Variants in DHTKD1 observed in about 807,000 individuals in gnomAD.
DHTKD1 encodes dehydrogenase E1 and transketolase domain containing 1.
DHTKD1 carries 78 observed loss-of-function variants against 101.8 expected under a neutral mutation model. The observed-to-expected ratio is 0.77, with a 90% CI of 0.64 to 0.93. DHTKD1 has a LOEUF of 0.93. Ranked by LOEUF, DHTKD1 falls within the 40% of genes least tolerant of loss-of-function variation. The pLI is 0.00. For missense variants in DHTKD1, 1,223 were observed against 1,161.7 expected (o/e 1.05, Z -0.77); for synonymous variants, 462 against 450.3 (o/e 1.03, Z -0.33).
At position 12,089,077 on chromosome 10, in the gene DHTKD1, A is replaced by T; in HGVS notation, c.809A>T (p.Asp270Val). Residue 270 changes from aspartate to valine, a missense_variant, in exon 5 of 17, where the codon GAC becomes GTC. Transcript: ENST00000263035. ...CTGTCTCACCTGACCTCCTCTGTGG[A>T]CCTGTACTTTGGGGCGCACCATCCC... The part of the protein sequence containing the change: ...DVLSHLTSSV[D>V]LYFGAHHPLH... 1 of 1,614,062 alleles carries T rather than the reference A, an allele frequency of 6.2e-7. No homozygotes were observed. The highest frequency in any genetic ancestry group is 8.5e-7 in the Non-Finnish European group (1 of 1,179,998).
Position 12,097,809 on chromosome 10 carries a change from T to C in DHTKD1, c.1484T>C (p.Met495Thr). ...AAGTTGAATGATCACTTAAATAACA[T>C]GGCCCACTACAGGCCCCCTGCCCTG... ...YAKLNDHLNNMAHYRPPALNL... is the reference protein window; with the variant it reads ...YAKLNDHLNNTAHYRPPALNL... The change falls in exon 8 of 17, where the codon ATG (methionine) becomes ACG (threonine). Residue 495 changes from methionine (M) to threonine (T), a missense_variant. Met to Thr is a moderately conservative substitution (Grantham distance 81). Coordinates refer to ENST00000263035, the MANE Select transcript of DHTKD1 (RefSeq NM_018706.7). 3 of 1,614,236 alleles carry C rather than the reference T, an allele frequency of 1.9e-6. No homozygotes were observed. The highest frequency in any genetic ancestry group is 2.5e-6 in the Non-Finnish European group (3 of 1,180,054).
At chr10:12,108,074 A>G in intron 12 of DHTKD1, 59 bp downstream of exon 12, 3 of 1,323,276 alleles carry the variant, frequency 2.3e-6, no homozygotes, top group Admixed American at 1.7e-5. Flanking sequence ...GAGCTTTTCT[A>G]CCTCCTGCGG....
chr10:12,083,936 ATT>A (rs1194871426), intron 2 of DHTKD1, among the ~76,000 whole-genome samples: 1 of 151,634 alleles, frequency 6.6e-6, no homozygotes, highest in African/African-American at 2.4e-5. Flanking sequence ...TTATTTATTT[ATT>A]TTGGGACAGA....
In DHTKD1 at chr10:12,103,936, A is replaced by C. The variant is rs149686187; in HGVS notation, c.1897-2310A>C. The stretch of plus-strand genomic sequence containing the variant: ...TTCACAGAGTTGTGTAATCATCACC[A>C]CTATCTAATTTTAGAACATTTTCAT... On this transcript the variant is annotated intron_variant, in intron 10 of 16. Coordinates refer to ENST00000263035, the MANE Select transcript of DHTKD1 (RefSeq NM_018706.7). This position sits in a 1 kb window ranked among gnomAD's most constrained non-coding sequence, Gnocchi z 4.8. Among the ~76,000 whole-genome samples the C allele has an allele frequency of 6.6e-6, 1 of 152,112 alleles. No individual in the cohort carries two copies. The highest frequency in any genetic ancestry group is 2.4e-5 in the African/African-American group (1 of 41,426).
intron 7 of DHTKD1, among the ~76,000 whole-genome samples, chr10:12,095,812 C>CAAAAAAAAAAAAAAAAA (rs1185585860): frequency 1.9e-4 from 8 of 41,488 alleles, no homozygotes; most frequent in Admixed American, 3.6e-4. Context: ...GACTCCGTCT[C>CAAAAAAAAAAAAAAAAA]AAAAAAAAAA....
intron 11 of DHTKD1, among the ~76,000 whole-genome samples, chr10:12,106,631 C>T (rs1833252589): frequency 1.3e-5 from 2 of 152,162 alleles, no homozygotes; most frequent in Admixed American, 1.3e-4. Context: ...CCACCCAGCA[C>T]CTGTGCTCAG....
Position 12,084,760 on chromosome 10 carries a change from G to A in DHTKD1, c.522+9G>A, listed in dbSNP as rs779046821. ...TAATGCTGGAATCTCAGGTAAAAAGGAGCATCTAGGCCGGGCACGGTGGCT... is the reference window on the plus strand; with the variant it reads ...TAATGCTGGAATCTCAGGTAAAAAGAAGCATCTAGGCCGGGCACGGTGGCT... On this transcript the variant is annotated intron_variant, in intron 3 of 16. Coordinates refer to ENST00000263035, the MANE Select transcript of DHTKD1 (RefSeq NM_018706.7). 13 of 1,613,178 alleles carry A rather than the reference G, an allele frequency of 8.1e-6. No individual in the cohort carries two copies. The East Asian group carries it at 2.5e-4, about 30-fold the overall frequency.
At chr10:12,089,607 GAAAA>G (rs897844896) in intron 5 of DHTKD1, among the ~76,000 whole-genome samples, 1 of 143,136 alleles carries the variant, frequency 7.0e-6, no homozygotes, top group Non-Finnish European at 1.5e-5. Flanking sequence ...AGACAAGCGT[GAAAA>G]AAAAAAAGAC....
intron 10 of DHTKD1, among the ~76,000 whole-genome samples, chr10:12,104,328 G>A (rs1346613284): frequency 5.9e-5 from 9 of 151,966 alleles, no homozygotes; most frequent in Non-Finnish European, 1.0e-4. Flanking sequence ...GCAGGTGTGC[G>A]CCACCAGGCC....
At chr10:12,089,335 T>C in intron 5 of DHTKD1, 80 bp downstream of exon 5, 1 of 1,323,890 alleles carries the variant, frequency 7.6e-7, no homozygotes, top group East Asian at 2.3e-5. Context: ...TGAAAGCACA[T>C]GGCAGACATT....
chr10:12,081,501 G>C lies in DHTKD1; in HGVS notation c.184G>C (p.Val62Leu). The C allele has an allele frequency of 6.2e-7, 1 of 1,614,094 alleles. No individual in the cohort carries two copies. Among genetic ancestry groups the C allele is most frequent in the African/African-American group, 1.3e-5 (1 of 75,048 alleles). Reference sequence around the variant, plus strand: ...TCATGGCCTTGCCAGGTTGGTGACAGTATATTGTGAGCATGGTCATAAAGC... The same window carrying C: ...TCATGGCCTTGCCAGGTTGGTGACACTATATTGTGAGCATGGTCATAAAGC... ...VDHGLARLVT[V>L]YCEHGHKAAK... is the part of the protein sequence containing the mutation. The change falls in exon 2 of 17, where the codon GTA becomes CTA. Residue 62 changes from valine (V) to leucine (L), a missense_variant. By Grantham distance (32) the Val-to-Leu change is conservative (BLOSUM62 1). Coordinates refer to ENST00000263035, the MANE Select transcript of DHTKD1 (RefSeq NM_018706.7).
At position 12,087,594 on chromosome 10, in the gene DHTKD1, G is replaced by A. The variant is rs1460122706; in HGVS notation, c.582G>A (p.Gly194=). The change falls in exon 4 of 17, where the codon GGG becomes GGA. Residue 194 remains glycine (G), a synonymous_variant. Coordinates refer to ENST00000263035, the MANE Select transcript of DHTKD1 (RefSeq NM_018706.7). The surrounding 1 kb of genome is among the most constrained non-coding windows in gnomAD (Gnocchi z 5.2). ...FSTVKRYGGE[G]AESMMGFFHE... is the part of the protein sequence containing the mutation. ...CAGTGAAGCGATATGGAGGCGAAGG[G>A]GCTGAAAGCATGATGGGCTTTTTCC... 1.9e-6 allele frequency: 3 copies of A among 1,613,674 alleles called. No homozygotes were observed.
rs769917429 is a variant in DHTKD1 at position 12,094,248 on chromosome 10, C to T, written c.1335C>T (p.Asn445=). The T allele has an allele frequency of 1.2e-6, 2 of 1,614,016 alleles. No individual in the cohort carries two copies. The highest frequency in any genetic ancestry group is 2.7e-5 in the African/African-American group (2 of 74,928). The change falls in exon 7 of 17, where the codon AAC becomes AAT. Residue 445 remains asparagine, a synonymous_variant. Coordinates refer to ENST00000263035, the MANE Select transcript of DHTKD1 (RefSeq NM_018706.7). ...HNELDEPFYT[N]PIMYKIIRAR... is the part of the protein sequence containing the mutation. ...AGCTGGATGAGCCATTCTACACCAACCCCATCATGTACAAAATCATCAGGT... is the reference window on the plus strand; with the variant it reads ...AGCTGGATGAGCCATTCTACACCAATCCCATCATGTACAAAATCATCAGGT...
intron 8 of DHTKD1, 27 bp from the exon 9 acceptor site, chr10:12,100,150 CT>C: frequency 3.9e-5 from 55 of 1,396,936 alleles, no homozygotes; most frequent in South Asian, 8.9e-5. Flanking sequence ...TTAGACGTTC[CT>C]TTTTTTTCTT....
chr10:12,082,504 A>G (rs1832834247), intron 2 of DHTKD1, among the ~76,000 whole-genome samples: 2 of 152,182 alleles, frequency 1.3e-5, no homozygotes. Flanking sequence ...ATGCCGTGTA[A>G]TAAACTACCC....
At chr10:12,084,098 ATTT>A (rs1361666257) in intron 2 of DHTKD1, among the ~76,000 whole-genome samples, 1 of 151,694 alleles carries the variant, frequency 6.6e-6, no homozygotes, top group Non-Finnish European at 1.5e-5. Context: ...AATTTTTGTA[ATTT>A]TAGTAGAGAC....
At chr10:12,100,110 T>A (rs1294435130) in intron 8 of DHTKD1, 68 bp from the exon 9 acceptor site, 26 of 922,778 alleles carry the variant, frequency 2.8e-5, no homozygotes, top group Non-Finnish European at 2.2e-5. Flanking sequence ...TTAAATTTTT[T>A]GTACTCATTG....
intron 1 of DHTKD1, among the ~76,000 whole-genome samples, chr10:12,076,812 C>T (rs1832738742): frequency 6.6e-6 from 1 of 151,900 alleles, no homozygotes; most frequent in Non-Finnish European, 1.5e-5. Context: ...GTGCCCGCCA[C>T]CACGCCCGGC....
At chr10:12,074,401 G>A (rs552782264) in intron 1 of DHTKD1, among the ~76,000 whole-genome samples, 11 of 152,032 alleles carry the variant, frequency 7.2e-5, no homozygotes, top group Non-Finnish European at 1.5e-4. Flanking sequence ...TGTCGCCCAG[G>A]CTGGAGTGCA....
Sources: gnomAD v4.1 joint callset for allele counts (sites outside exome capture counted in the v4.1 genomes callset) on GRCh38, gnomAD v4.1.1 for gene constraint, Gnocchi (gnomAD v3.1) non-coding constraint, MANE v1.5 for transcripts, NCBI Gene and HGNC (gene_info 2026-07-23, HGNC 2026-07-21) for gene names.